The following ARHGAP6 variants were observed in gnomAD, a reference collection of about 807,000 sequenced individuals.
ARHGAP6 encodes the protein Rho GTPase activating protein 6, also known as rho GTPase-activating protein 6.
ARHGAP6 carries 16 observed loss-of-function variants against 55.7 expected under a neutral mutation model. That is an observed-to-expected ratio of 0.29 (90% CI 0.19 to 0.44). The LOEUF is 0.44. Ranked by LOEUF, ARHGAP6 falls within the 20% of genes least tolerant of loss-of-function variation. ARHGAP6 has a pLI of 1.00. For missense variants in ARHGAP6, 698 were observed against 808.9 expected (o/e 0.86, Z 1.66); for synonymous variants, 382 against 360.9 (o/e 1.06, Z -0.66).
chrX:11,543,390 G>A (rs1001551867), intron 1 of ARHGAP6, among the ~76,000 whole-genome samples: 3 of 112,716 alleles, frequency 2.7e-5, no homozygotes, highest in African/African-American at 9.7e-5. Context: ...ATTCGGCAAT[G>A]TCATGGGACA....
chrX:11,495,194 G>T (rs1319690288), intron 1 of ARHGAP6, among the ~76,000 whole-genome samples: 1 of 111,608 alleles, frequency 9.0e-6, no homozygotes, highest in Non-Finnish European at 1.9e-5. Flanking sequence ...GTTAACACAA[G>T]GTAGCCCTTA....
intron 1 of ARHGAP6, among the ~76,000 whole-genome samples, chrX:11,657,508 G>A (rs934936116): frequency 1.8e-5 from 2 of 109,305 alleles, no homozygotes; most frequent in African/African-American, 3.3e-5. Context: ...GAAGAAGAGC[G>A]ATACCAACCA....
chrX:11,343,278 A>G (rs1029723863), intron 1 of ARHGAP6, among the ~76,000 whole-genome samples: 1 of 112,472 alleles, frequency 8.9e-6, no homozygotes, highest in South Asian at 3.7e-4. Flanking sequence ...CCGATCAGGT[A>G]GAGAGCTGTG....
At chrX:11,620,060 C>T (rs2052210603) in intron 1 of ARHGAP6, among the ~76,000 whole-genome samples, 1 of 112,001 alleles carries the variant, frequency 8.9e-6, no homozygotes, top group Non-Finnish European at 1.9e-5. Context: ...CCAATGAGGT[C>T]ATACACAAAG....
At chrX:11,332,753 C>T (rs1283068686) in intron 1 of ARHGAP6, among the ~76,000 whole-genome samples, 1 of 112,150 alleles carries the variant, frequency 8.9e-6, no homozygotes, top group Admixed American at 9.4e-5. Context: ...ATTCAACTAT[C>T]TTATTTAGAA....
intron 8 of ARHGAP6, among the ~76,000 whole-genome samples, chrX:11,174,648 TTTC>T (rs1410298412): frequency 1.8e-4 from 15 of 81,970 alleles, no homozygotes; most frequent in Admixed American, 1.4e-4. Flanking sequence ...TCTTTCTTTC[TTTC>T]TTTCTTTCTT....
At chrX:11,488,014 A>C (rs1213347554) in intron 1 of ARHGAP6, among the ~76,000 whole-genome samples, 1 of 112,484 alleles carries the variant, frequency 8.9e-6, no homozygotes, top group Non-Finnish European at 1.9e-5. Flanking sequence ...GTTAATTATA[A>C]GGAATCATCA....
intron 6 of ARHGAP6, among the ~76,000 whole-genome samples, chrX:11,181,197 A>G (rs1302051833): frequency 2.7e-5 from 3 of 112,138 alleles, no homozygotes; most frequent in Non-Finnish European, 3.8e-5. Flanking sequence ...AAAACCAACC[A>G]ACCAATCAGA....
chrX:11,260,846 G>T (rs548682515), intron 1 of ARHGAP6, among the ~76,000 whole-genome samples: 1 of 111,517 alleles, frequency 9.0e-6, no homozygotes, highest in African/African-American at 3.3e-5. Context: ...TGGAGATTAG[G>T]GTCATGTAGT....
At chrX:11,297,650 A>G (rs1472285373) in intron 1 of ARHGAP6, among the ~76,000 whole-genome samples, 3 of 111,868 alleles carry the variant, frequency 2.7e-5, no homozygotes. Flanking sequence ...GTAACAATCT[A>G]TGAGTTTATT....
chrX:11,202,167 T>C (rs1325303121), intron 2 of ARHGAP6, among the ~76,000 whole-genome samples: 2 of 110,099 alleles, frequency 1.8e-5, no homozygotes, highest in East Asian at 2.9e-4. Flanking sequence ...CTGGCAGGAG[T>C]TGGCAGTCTT....
chrX:11,561,025 G>A (rs2051379153), intron 1 of ARHGAP6, among the ~76,000 whole-genome samples: 1 of 111,781 alleles, frequency 8.9e-6, no homozygotes, highest in Non-Finnish European at 1.9e-5. Context: ...AGTTTAATTG[G>A]AACATAGCTA....
intron 1 of ARHGAP6, among the ~76,000 whole-genome samples, chrX:11,643,125 T>C (rs2052492424): frequency 9.0e-6 from 1 of 111,508 alleles, no homozygotes; most frequent in African/African-American, 3.3e-5. Flanking sequence ...GTTCATACTA[T>C]AGAGTCCTTT....
At chrX:11,239,228 CTCTG>C (rs1397489801) in intron 2 of ARHGAP6, among the ~76,000 whole-genome samples, 3 of 111,330 alleles carry the variant, frequency 2.7e-5, no homozygotes, top group African/African-American at 6.5e-5. Context: ...CTTCATAACT[CTCTG>C]TAATTCTAAA....
intron 1 of ARHGAP6, 46 bp from the exon 2 acceptor site, chrX:11,254,753 G>T (rs751369121): frequency 2.9e-5 from 31 of 1,064,648 alleles, no homozygotes; most frequent in Non-Finnish European, 3.8e-5. Context: ...GAGTTACAGA[G>T]TTCACTTACC....
chrX:11,191,411 C>A (rs2046459782), intron 3 of ARHGAP6, among the ~76,000 whole-genome samples: 1 of 112,004 alleles, frequency 8.9e-6, no homozygotes, highest in Non-Finnish European at 1.9e-5. Flanking sequence ...TGGCTGTGTT[C>A]TAGTAAAGCT....
chrX:11,664,946 G>GCAAA lies in ARHGAP6; in HGVS notation c.-119_-118insTTTG. The GCAAA allele has an allele frequency of 1.3e-6, 1 of 769,860 alleles. No individual in the cohort carries two copies. The highest frequency in any genetic ancestry group is 1.8e-6 in the Non-Finnish European group (1 of 552,444). 63.4% of individuals were successfully genotyped at this position (769,860 alleles called of 1,213,427 possible). ...GCCAGGCGGGGCTGGCCCGGGGTTT[G>GCAAA]CCCAGGGCAGTGGAGAGCAAAGCCC... is the stretch of plus-strand genomic sequence containing the variant. On this transcript the variant is annotated 5_prime_UTR_variant, in exon 1 of 13. Coordinates refer to ENST00000337414, the MANE Select transcript of ARHGAP6 (RefSeq NM_013427.3).
At chrX:11,142,988 C>T (rs1198394292) in intron 11 of ARHGAP6, 1 of 112,225 alleles carries the variant, frequency 8.9e-6, no homozygotes, top group Non-Finnish European at 1.9e-5. Flanking sequence ...TCTGTACTAT[C>T]CTCAGGAATA....
intron 1 of ARHGAP6, among the ~76,000 whole-genome samples, chrX:11,655,507 G>A (rs60273708): frequency 0.013 from 1,426 of 112,057 alleles, 26 homozygotes; most frequent in African/African-American, 0.044. Flanking sequence ...AGCAGTGTAT[G>A]AGAGTTCCGA....
Sources: allele counts gnomAD v4.1 joint callset (sites outside exome capture counted in the v4.1 genomes callset), GRCh38; gene constraint gnomAD v4.1.1; transcripts MANE v1.5; gene names NCBI Gene and HGNC (gene_info 2026-07-23, HGNC 2026-07-21).